The following TENM2 variants were observed in gnomAD, a reference collection of about 807,000 sequenced individuals.
The protein encoded by TENM2 is teneurin transmembrane protein 2.
Under a neutral mutation model 245.2 loss-of-function variants are expected in TENM2, and 52 were observed. That is an observed-to-expected ratio of 0.21 (90% CI 0.17 to 0.27). The LOEUF (loss-of-function observed/expected upper bound fraction) is 0.27, where lower values mean the gene tolerates loss of function less well. TENM2 is among the 10% of genes least tolerant of loss of function. TENM2 has a pLI of 1.00. For synonymous variants in TENM2, 1,363 were observed against 1,438.9 expected, an observed-to-expected ratio of 0.95 and a Z score of 1.19; for missense variants, 3,046 against 3,666.8, an observed-to-expected ratio of 0.83 and a Z score of 4.37.
chr5:167,950,057 T>G (rs1779959732), intron 3 of TENM2, among the ~76,000 whole-genome samples: 2 of 152,176 alleles, frequency 1.3e-5, no homozygotes, highest in Admixed American at 6.5e-5. Context: ...AGCGGAGAAT[T>G]AAGTATTCTT....
At position 167,420,752 on chromosome 5, in the gene TENM2, A is replaced by G. The variant is rs1369863598; in HGVS notation, c.502+45279A>G. ...TCCGACAGCACCATCATTCTCTACT[A>G]TAGAATTTACTCCCCTATCACAATT... is the stretch of plus-strand genomic sequence containing the variant. On this transcript the variant is annotated intron_variant, in intron 2 of 28. Coordinates refer to ENST00000518659, the Ensembl canonical transcript of TENM2. Among the ~76,000 whole-genome samples the G allele has an allele frequency of 2.0e-5, 3 of 152,220 alleles. No homozygotes were observed. The South Asian group carries it at 6.2e-4, about 32-fold the overall frequency.
At chr5:167,130,091 T>C in the TENM2 span, among the ~76,000 whole-genome samples, 1 of 152,214 alleles carries the variant, frequency 6.6e-6, no homozygotes, top group Non-Finnish European at 1.5e-5. Context: ...TCTTTGTATA[T>C]TGCTATAGGC....
chr5:168,262,582 G>A (rs765586374), exon 29 of TENM2: 61 of 1,572,196 alleles, frequency 3.9e-5, no homozygotes, highest in African/African-American at 2.2e-4. Context: ...TGGACCAGGC[G>A]AGACAGAGGG....
At chr5:168,115,868 G>C (rs1286851736) in intron 9 of TENM2, among the ~76,000 whole-genome samples, 1 of 152,090 alleles carries the variant, frequency 6.6e-6, no homozygotes, top group Non-Finnish European at 1.5e-5. Flanking sequence ...CTCTATCTGG[G>C]CTCAGGGGAA....
chr5:167,654,560 C>T (rs185670520), intron 2 of TENM2, among the ~76,000 whole-genome samples: 1 of 151,476 alleles, frequency 6.6e-6, no homozygotes, highest in East Asian at 1.9e-4. Context: ...ATTTTCTTTG[C>T]TATTATACTC....
the TENM2 span, among the ~76,000 whole-genome samples, chr5:167,208,498 A>C: frequency 1.3e-5 from 2 of 152,200 alleles, no homozygotes; most frequent in Non-Finnish European, 2.9e-5. Context: ...CAACAAAACG[A>C]ACACTAGAAC....
At chr5:167,871,476 A>G (rs1403818355) in intron 2 of TENM2, among the ~76,000 whole-genome samples, 1 of 152,206 alleles carries the variant, frequency 6.6e-6, no homozygotes, top group Non-Finnish European at 1.5e-5. Context: ...GAGACAGATA[A>G]ATTAGAAAAA....
intron 2 of TENM2, among the ~76,000 whole-genome samples, chr5:167,636,829 T>C (rs2150233968): frequency 1.3e-5 from 2 of 152,354 alleles, no homozygotes; most frequent in South Asian, 4.1e-4. Flanking sequence ...TACATACTAA[T>C]AAAATAACCA....
chr5:167,269,183 C>A, the TENM2 span, among the ~76,000 whole-genome samples: 1 of 151,952 alleles, frequency 6.6e-6, no homozygotes. Context: ...AACAACAGAC[C>A]TGAAAGATAT....
At chr5:167,837,591 A>G (rs1008702629) in intron 2 of TENM2, among the ~76,000 whole-genome samples, 6 of 152,246 alleles carry the variant, frequency 3.9e-5, no homozygotes, top group African/African-American at 1.4e-4. Context: ...GAGCATAGGT[A>G]TACATTGTGA....
intron 2 of TENM2, among the ~76,000 whole-genome samples, chr5:167,723,037 T>C (rs1047943373): frequency 6.6e-6 from 1 of 152,194 alleles, no homozygotes; most frequent in Admixed American, 6.5e-5. Flanking sequence ...ATAACCACTA[T>C]GTCTGTCATT....
At chr5:166,996,135 A>G in the TENM2 span, among the ~76,000 whole-genome samples, 5 of 152,188 alleles carry the variant, frequency 3.3e-5, no homozygotes, top group East Asian at 9.7e-4. Context: ...CCAGGTCAGG[A>G]GATCAAGACC....
chr5:167,803,669 G>A (rs1765942600), intron 2 of TENM2, among the ~76,000 whole-genome samples: 1 of 151,968 alleles, frequency 6.6e-6, no homozygotes, highest in Non-Finnish European at 1.5e-5. Context: ...TAGACCTCAT[G>A]CTCCTTTCCC....
chr5:167,304,447 TC>T (rs1351325749), intron 1 of TENM2, among the ~76,000 whole-genome samples: 1 of 152,198 alleles, frequency 6.6e-6, no homozygotes, highest in African/African-American at 2.4e-5. Context: ...GGCAGCTAAT[TC>T]ATTTTTAAAA....
chr5:167,112,369 T>C, the TENM2 span, among the ~76,000 whole-genome samples: 2 of 152,238 alleles, frequency 1.3e-5, no homozygotes, highest in Non-Finnish European at 2.9e-5. Flanking sequence ...TATTGACTCA[T>C]ATTCAGTCCT....
chr5:168,016,504 CTAAGAG>C (rs1785665371), intron 5 of TENM2, among the ~76,000 whole-genome samples: 1 of 152,214 alleles, frequency 6.6e-6, no homozygotes, highest in Non-Finnish European at 1.5e-5. Context: ...AAATAACTTG[CTAAGAG>C]TAAAACAATT....
chr5:167,004,571 C>A, the TENM2 span, among the ~76,000 whole-genome samples: 1 of 152,254 alleles, frequency 6.6e-6, no homozygotes, highest in East Asian at 1.9e-4. Context: ...TTTGCTAGAT[C>A]CATTGGCTTT....
chr5:167,727,401 C>T (rs569820198), intron 2 of TENM2, among the ~76,000 whole-genome samples: 7 of 152,268 alleles, frequency 4.6e-5, no homozygotes, highest in East Asian at 3.9e-4. Flanking sequence ...CGTGAGCCAC[C>T]GTGCCCGGCC....
intron 3 of TENM2, among the ~76,000 whole-genome samples, chr5:167,911,489 T>G (rs889735252): frequency 6.6e-6 from 1 of 152,214 alleles, no homozygotes; most frequent in Admixed American, 6.5e-5. Context: ...ATCGCGCCAC[T>G]GCACTCCAGC....
Sources: allele counts gnomAD v4.1 joint callset (sites outside exome capture counted in the v4.1 genomes callset), GRCh38; gene constraint gnomAD v4.1.1; transcripts MANE v1.5; gene names NCBI Gene and HGNC (gene_info 2026-07-23, HGNC 2026-07-21).